The following SGCG variants were observed in gnomAD, a reference collection of about 807,000 sequenced individuals.
SGCG encodes gamma-sarcoglycan.
In SGCG, 26 loss-of-function variants were observed where a neutral mutation model predicts 29.3. The observed-to-expected ratio is 0.89, with a 90% CI of 0.65 to 1.23. The LOEUF (loss-of-function observed/expected upper bound fraction) is 1.23, where lower values mean the gene tolerates loss of function less well. Among genes scored for constraint, SGCG ranks in the 50% most tolerant of loss-of-function variants. The pLI is 0.00. For synonymous variants in SGCG, 145 were observed against 129.7 expected (o/e 1.12, Z -0.80); for missense variants, 353 against 356.0 (o/e 0.99, Z 0.07).
intron 4 of SGCG, among the ~76,000 whole-genome samples, chr13:23,264,481 A>G (rs534347324): frequency 8.5e-5 from 13 of 152,184 alleles, no homozygotes; most frequent in Non-Finnish European, 1.8e-4. Flanking sequence ...AAGAATCAAT[A>G]TTGCAAAATG....
intron 6 of SGCG, among the ~76,000 whole-genome samples, chr13:23,312,447 G>T (rs996970527): frequency 6.6e-6 from 1 of 152,172 alleles, no homozygotes; most frequent in Non-Finnish European, 1.5e-5. Context: ...TGTTAAATAT[G>T]GAAGTGTTCA....
chr13:23,185,452 A>G (rs1437227229), intron 1 of SGCG, among the ~76,000 whole-genome samples: 2 of 152,198 alleles, frequency 1.3e-5, no homozygotes, highest in Non-Finnish European at 2.9e-5. Context: ...GGCCTCCTAA[A>G]GTGCTGGGAT....
chr13:23,307,413 AT>A (rs1415733813), intron 6 of SGCG, among the ~76,000 whole-genome samples: 1 of 152,114 alleles, frequency 6.6e-6, no homozygotes, highest in East Asian at 1.9e-4. Context: ...TTAGAAGTGT[AT>A]TTTATATTTT....
intron 6 of SGCG, among the ~76,000 whole-genome samples, chr13:23,313,983 C>T (rs995578504): frequency 3.3e-5 from 5 of 152,080 alleles, no homozygotes; most frequent in African/African-American, 1.2e-4. Context: ...CGCTTCCTGC[C>T]CTTGAACATC....
chr13:23,265,073 A>T (rs1240007525), intron 4 of SGCG, among the ~76,000 whole-genome samples: 1 of 152,208 alleles, frequency 6.6e-6, no homozygotes, highest in African/African-American at 2.4e-5. Context: ...ATGGAACCTA[A>T]TTAAACTAAA....
chr13:23,234,464 G>C (rs1879230989), intron 2 of SGCG, 147 bp from the exon 3 acceptor site: 1 of 594,562 alleles, frequency 1.7e-6, no homozygotes, highest in Admixed American at 3.1e-5. Flanking sequence ...TTCAATTAAA[G>C]ATGCAAAGTT....
In SGCG at chr13:23,224,665, T is replaced by TACACACACACACACACACACACACAC. The variant is rs60671278; in HGVS notation, c.196-9930_196-9929insACACACACACACACACACACACACAC. On this transcript the variant is annotated intron_variant, in intron 2 of 7. Coordinates refer to ENST00000218867, the MANE Select transcript of SGCG (RefSeq NM_000231.3). The stretch of plus-strand genomic sequence containing the variant: ...ATTCCAACCCCAAACAGGGCACACA[T>TACACACACACACACACACACACACAC]ACACACACACACACACCCCACACCA... 6.3e-5 allele frequency among the ~76,000 whole-genome samples: 9 copies of TACACACACACACACACACACACACAC among 142,108 alleles called. No homozygotes were observed. The East Asian group carries it at 1.5e-3, about 23-fold the overall frequency. The allele number at this position is 142,108 out of a possible 152,430, so 93.2% of individuals were successfully genotyped here. A position where few individuals can be genotyped will look rare whatever the true frequency, so the allele number is the denominator to read the frequency against.
At chr13:23,263,264 A>C (rs150223791) in intron 4 of SGCG, among the ~76,000 whole-genome samples, 70 of 152,190 alleles carry the variant, frequency 4.6e-4, no homozygotes, top group African/African-American at 1.5e-3. Flanking sequence ...GAGAAGATTC[A>C]AATAAGCTCG....
At chr13:23,191,094 G>T (rs1159883830) in intron 1 of SGCG, among the ~76,000 whole-genome samples, 1 of 152,066 alleles carries the variant, frequency 6.6e-6, no homozygotes, top group Admixed American at 6.6e-5. Context: ...CTACTAAAAA[G>T]TTACATATTA....
intron 6 of SGCG, among the ~76,000 whole-genome samples, chr13:23,318,972 G>A (rs1229651580): frequency 5.9e-5 from 9 of 152,104 alleles, no homozygotes; most frequent in African/African-American, 1.9e-4. Flanking sequence ...ACTCCTCCAC[G>A]CAAGAAAAAT....
chr13:23,202,728 T>A (rs1877814554), intron 1 of SGCG, among the ~76,000 whole-genome samples: 1 of 152,172 alleles, frequency 6.6e-6, no homozygotes, highest in Non-Finnish European at 1.5e-5. Flanking sequence ...GATTTAAAGA[T>A]TTGTTTTAGA....
chr13:23,261,195 T>C (rs2137586498), intron 4 of SGCG, among the ~76,000 whole-genome samples: 1 of 152,224 alleles, frequency 6.6e-6, no homozygotes, highest in East Asian at 1.9e-4. Context: ...GATTTGATCT[T>C]TTCACGTAGT....
At chr13:23,172,239 CTTCTT>C in the SGCG span, among the ~76,000 whole-genome samples, 1 of 152,082 alleles carries the variant, frequency 6.6e-6, no homozygotes. Context: ...TTCTCTTTTT[CTTCTT>C]TTCAAAGAAG....
At chr13:23,317,161 C>T (rs1421864369) in intron 6 of SGCG, among the ~76,000 whole-genome samples, 1 of 151,908 alleles carries the variant, frequency 6.6e-6, no homozygotes, top group Non-Finnish European at 1.5e-5. Context: ...CACCACTGCA[C>T]TGCAGCCTGG....
At chr13:23,318,712 A>G (rs1459584250) in intron 6 of SGCG, among the ~76,000 whole-genome samples, 1 of 152,286 alleles carries the variant, frequency 6.6e-6, no homozygotes, top group Non-Finnish European at 1.5e-5. Flanking sequence ...ATGTGTCTCA[A>G]TCTGGGTTGA....
intron 2 of SGCG, among the ~76,000 whole-genome samples, chr13:23,204,823 C>G (rs866682718): frequency 6.6e-6 from 1 of 151,374 alleles, no homozygotes; most frequent in Non-Finnish European, 1.5e-5. Context: ...GAGAGCAATG[C>G]TTGAAGTCAT....
At chr13:23,322,790 G>GCCCCCACCCACCCC (rs1883101133) in intron 7 of SGCG, among the ~76,000 whole-genome samples, 1 of 29,616 alleles carries the variant, frequency 3.4e-5, no homozygotes, top group Non-Finnish European at 6.2e-5. Flanking sequence ...CCCCCCCCCC[G>GCCCCCACCCACCCC]CCAACAGGTG....
chr13:23,199,333 C>T (rs1408023381), intron 1 of SGCG, among the ~76,000 whole-genome samples: 1 of 152,156 alleles, frequency 6.6e-6, no homozygotes, highest in Non-Finnish European at 1.5e-5. Context: ...TATAAGAAGA[C>T]CACAAAGTGC....
the SGCG span, among the ~76,000 whole-genome samples, chr13:23,166,814 G>T: frequency 3.3e-5 from 5 of 151,970 alleles, no homozygotes; most frequent in Non-Finnish European, 7.4e-5. Flanking sequence ...ATATTTATGA[G>T]GTACATGAGA....
Sources: allele counts gnomAD v4.1 joint callset (sites outside exome capture counted in the v4.1 genomes callset), GRCh38; gene constraint gnomAD v4.1.1; transcripts MANE v1.5; gene names NCBI Gene and HGNC (gene_info 2026-07-23, HGNC 2026-07-21).